The following ULK4 variants were observed in gnomAD, a reference collection of about 807,000 sequenced individuals.
ULK4 encodes inactive serine/threonine-protein kinase ULK4.
Under a neutral mutation model 160.6 loss-of-function variants are expected in ULK4, and 133 were observed. The observed-to-expected ratio is 0.83, with a 90% confidence interval of 0.72 to 0.96. The LOEUF (loss-of-function observed/expected upper bound fraction) is 0.96, where lower values mean the gene tolerates loss of function less well. ULK4 is among the 40% of genes least tolerant of loss of function. The pLI is 0.00. For missense variants in ULK4, 1,580 were observed against 1,499.5 expected (o/e 1.05, Z -0.89); for synonymous variants, 534 against 539.8 (o/e 0.99, Z 0.15).
intron 35 of ULK4, among the ~76,000 whole-genome samples, chr3:41,333,826 G>A (rs891467561): frequency 6.6e-6 from 1 of 152,064 alleles, no homozygotes; most frequent in East Asian, 1.9e-4. Flanking sequence ...TAAACACCAT[G>A]ACTCAGTGAT....
chr3:41,903,417 T>C (rs933121709), intron 12 of ULK4, among the ~76,000 whole-genome samples: 10 of 152,140 alleles, frequency 6.6e-5, no homozygotes, highest in African/African-American at 9.7e-5. Flanking sequence ...AAACCCCATC[T>C]GTCCTAAAAA....
chr3:41,765,079 A>C (rs941724991), intron 21 of ULK4, among the ~76,000 whole-genome samples: 2 of 152,186 alleles, frequency 1.3e-5, no homozygotes, highest in Non-Finnish European at 2.9e-5. Flanking sequence ...AGGATTATAA[A>C]TCATGCTGCT....
At chr3:41,545,481 G>A (rs768481008) in intron 32 of ULK4, among the ~76,000 whole-genome samples, 2 of 152,056 alleles carry the variant, frequency 1.3e-5, no homozygotes, top group Non-Finnish European at 2.9e-5. Flanking sequence ...CATTATTTCT[G>A]ACAAGAGGTC....
chr3:41,387,863 A>G (rs2081857402), intron 35 of ULK4, among the ~76,000 whole-genome samples: 1 of 152,176 alleles, frequency 6.6e-6, no homozygotes, highest in African/African-American at 2.4e-5. Flanking sequence ...TAGCAGCATG[A>G]TTTATAATCC....
intron 32 of ULK4, among the ~76,000 whole-genome samples, chr3:41,472,233 T>C (rs1348329526): frequency 6.6e-6 from 1 of 151,850 alleles, no homozygotes; most frequent in African/African-American, 2.4e-5. Flanking sequence ...AAAGGATGTA[T>C]TCCTAAACAC....
At chr3:41,647,821 G>T (rs1197593675) in intron 30 of ULK4, among the ~76,000 whole-genome samples, 1 of 151,418 alleles carries the variant, frequency 6.6e-6, no homozygotes, top group Non-Finnish European at 1.5e-5. Context: ...GAGGCAGGCA[G>T]GCCTCCTTGA....
intron 31 of ULK4, 69 bp downstream of exon 31, chr3:41,615,600 A>C (rs2032925089): frequency 6.6e-7 from 1 of 1,517,076 alleles, no homozygotes; most frequent in Non-Finnish European, 9.1e-7. Context: ...ACACAGTCCT[A>C]CAACATGGTT....
intron 35 of ULK4, among the ~76,000 whole-genome samples, chr3:41,366,972 C>T (rs1470261014): frequency 6.6e-6 from 1 of 152,208 alleles, no homozygotes; most frequent in African/African-American, 2.4e-5. Flanking sequence ...TGACTTCTGT[C>T]AGTGTATTGT....
intron 17 of ULK4, among the ~76,000 whole-genome samples, chr3:41,849,239 G>A (rs2042145801): frequency 6.6e-6 from 1 of 152,214 alleles, no homozygotes; most frequent in Non-Finnish European, 1.5e-5. Flanking sequence ...AGGTAGTCAT[G>A]AAGGACTTGT....
At chr3:41,424,831 CA>C (rs36097613) in intron 34 of ULK4, among the ~76,000 whole-genome samples, 17,109 of 62,544 alleles carry the variant, frequency 0.27, 1,467 homozygotes, top group East Asian at 0.43. Context: ...AAGAAATCAT[CA>C]AAAAAAAAAA....
At chr3:41,932,826 C>G (rs1699642785) in intron 4 of ULK4, among the ~76,000 whole-genome samples, 3 of 152,126 alleles carry the variant, frequency 2.0e-5, no homozygotes, top group Admixed American at 1.3e-4. Flanking sequence ...GGCAGATCAC[C>G]TAGGGCCAGG....
At chr3:41,294,422 T>C (rs1468660682) in intron 35 of ULK4, among the ~76,000 whole-genome samples, 2 of 152,222 alleles carry the variant, frequency 1.3e-5, no homozygotes, top group Admixed American at 6.5e-5. Context: ...GTCTGTGGTA[T>C]TGTTATAGAA....
intron 4 of ULK4, among the ~76,000 whole-genome samples, chr3:41,933,868 G>A (rs560244969): frequency 1.5e-4 from 23 of 152,038 alleles, no homozygotes; most frequent in Middle Eastern, 3.4e-3. Flanking sequence ...TGGCCAACAC[G>A]GTAAAACCCC....
chr3:41,794,174 A>T (rs1222962608), intron 20 of ULK4, among the ~76,000 whole-genome samples: 1 of 152,178 alleles, frequency 6.6e-6, no homozygotes, highest in African/African-American at 2.4e-5. Context: ...ACAGGTCAGA[A>T]AATCACTGAC....
intron 32 of ULK4, among the ~76,000 whole-genome samples, chr3:41,478,232 G>A (rs2084204661): frequency 6.6e-6 from 1 of 152,010 alleles, no homozygotes; most frequent in Non-Finnish European, 1.5e-5. Context: ...CACAATTCTG[G>A]GCTTTGCTGA....
chr3:41,575,150 G>T (rs1397084225), intron 31 of ULK4, among the ~76,000 whole-genome samples: 2 of 152,152 alleles, frequency 1.3e-5, no homozygotes, highest in African/African-American at 4.8e-5. Context: ...TGAGAAACAG[G>T]GAAGGGAACA....
At chr3:41,292,102 G>C (rs1248019247) in intron 35 of ULK4, among the ~76,000 whole-genome samples, 1 of 151,898 alleles carries the variant, frequency 6.6e-6, no homozygotes, top group East Asian at 1.9e-4. Context: ...CAAAGTGCTG[G>C]GATTACAGGC....
chr3:41,664,423 C>T (rs555225107), intron 29 of ULK4, among the ~76,000 whole-genome samples: 32 of 152,138 alleles, frequency 2.1e-4, no homozygotes, highest in African/African-American at 2.4e-4. Context: ...AGGGGTCACA[C>T]GCAGCACACT....
intron 32 of ULK4, among the ~76,000 whole-genome samples, chr3:41,473,335 C>T (rs777208629): frequency 2.8e-4 from 43 of 152,026 alleles, no homozygotes; most frequent in Non-Finnish European, 4.7e-4. Context: ...ATGTGGAAAA[C>T]GCTAAAGATT....
Sources: allele counts gnomAD v4.1 joint callset (sites outside exome capture counted in the v4.1 genomes callset), GRCh38; gene constraint gnomAD v4.1.1; transcripts MANE v1.5; gene names NCBI Gene and HGNC (gene_info 2026-07-23, HGNC 2026-07-21).